CPNE8: variants seen among roughly 807,000 people sequenced by gnomAD.
CPNE8 encodes the protein copine-8.
In CPNE8, 45 loss-of-function variants were observed where a neutral mutation model predicts 81.5. The observed-to-expected ratio is 0.55, with a 90% CI of 0.44 to 0.71. The LOEUF is 0.71. Among genes scored for constraint, CPNE8 ranks in the 30% least tolerant of loss-of-function variants. The probability of loss-of-function intolerance (pLI) is 0.00; values close to 1 mark genes in which losing one functional copy is unlikely to be tolerated. For synonymous variants in CPNE8, 252 were observed against 226.3 expected (o/e 1.11, Z -1.02); for missense variants, 594 against 672.1 (o/e 0.88, Z 1.28).
chr12:38,891,288 T>A (rs1944311347), intron 1 of CPNE8, among the ~76,000 whole-genome samples: 1 of 152,126 alleles, frequency 6.6e-6, no homozygotes, highest in Non-Finnish European at 1.5e-5. Context: ...AGCTTTGCTC[T>A]GCTTGAGGAC....
At chr12:38,703,159 G>C (rs190585556) in intron 13 of CPNE8, among the ~76,000 whole-genome samples, 18 of 151,844 alleles carry the variant, frequency 1.2e-4, no homozygotes, top group Non-Finnish European at 2.5e-4. Context: ...CTAAAGTCTC[G>C]GGAATAAAAG....
chr12:38,799,584 A>G (rs535066082), intron 6 of CPNE8, among the ~76,000 whole-genome samples: 2 of 152,316 alleles, frequency 1.3e-5, no homozygotes, highest in South Asian at 2.1e-4. Flanking sequence ...AATGCCCACA[A>G]GAGAAAGCAG....
At chr12:38,736,471 A>G (rs563412703) in intron 10 of CPNE8, among the ~76,000 whole-genome samples, 295 of 151,060 alleles carry the variant, frequency 2.0e-3, no homozygotes, top group Non-Finnish European at 3.5e-3. Flanking sequence ...ATAATAATTT[A>G]TCACATTTAA....
At chr12:38,767,784 A>G (rs764856984) in intron 7 of CPNE8, 46 bp from the exon 8 acceptor site, 8 of 1,138,408 alleles carry the variant, frequency 7.0e-6, no homozygotes, top group Middle Eastern at 4.1e-4. Flanking sequence ...GGCTATAAAT[A>G]ACTAGAAACT....
chr12:38,836,150 C>A (rs1023044553), intron 5 of CPNE8, among the ~76,000 whole-genome samples: 1 of 152,078 alleles, frequency 6.6e-6, no homozygotes, highest in South Asian at 2.1e-4. Flanking sequence ...ACAGAACAAA[C>A]TCAGAATTCA....
At chr12:38,695,222 A>G (rs1939767568) in intron 14 of CPNE8, among the ~76,000 whole-genome samples, 1 of 152,186 alleles carries the variant, frequency 6.6e-6, no homozygotes, top group South Asian at 2.1e-4. Flanking sequence ...ATCTTCTACA[A>G]CCAAGGAGTA....
chr12:38,892,568 T>C (rs1250164632), intron 1 of CPNE8, among the ~76,000 whole-genome samples: 1 of 152,146 alleles, frequency 6.6e-6, no homozygotes, highest in Non-Finnish European at 1.5e-5. Context: ...ATAAAGCTTA[T>C]GAAATATAGT....
At chr12:38,756,792 C>T (rs1428208772) in intron 10 of CPNE8, among the ~76,000 whole-genome samples, 2 of 152,144 alleles carry the variant, frequency 1.3e-5, no homozygotes, top group African/African-American at 2.4e-5. Context: ...TTAAAGTCTA[C>T]GTAGTACCAA....
intron 19 of CPNE8, among the ~76,000 whole-genome samples, chr12:38,661,443 C>T (rs1457821522): frequency 1.3e-5 from 2 of 152,050 alleles, no homozygotes; most frequent in African/African-American, 2.4e-5. Context: ...GAACATCACA[C>T]ACTGGGGCCT....
At chr12:38,767,910 A>C (rs533365315) in intron 7 of CPNE8, among the ~76,000 whole-genome samples, 172 bp from the exon 8 acceptor site, 36 of 152,198 alleles carry the variant, frequency 2.4e-4, no homozygotes, top group Non-Finnish European at 4.6e-4. Context: ...ATATGACTTT[A>C]AAAATTTTGC....
Position 38,799,850 on chromosome 12 carries a change from G to A in CPNE8, c.408-23549C>T, listed in dbSNP as rs369428606. 9.9e-3 allele frequency among the ~76,000 whole-genome samples: 1,501 copies of A among 151,100 alleles called. 21 individuals carry two copies. The highest frequency in any genetic ancestry group is 0.04 in the South Asian group (191 of 4,738). On this transcript the variant is annotated intron_variant, in intron 6 of 19. Coordinates refer to ENST00000331366, the MANE Select transcript of CPNE8 (RefSeq NM_153634.3). ...CGAGGCATTGCCTCACCTGGGAAGC[G>A]CAAGGGGTCAGGGAGTTCCCTTTCC...
At chr12:38,776,052 C>A (rs1263755245) in intron 7 of CPNE8, among the ~76,000 whole-genome samples, 186 bp downstream of exon 7, 1 of 152,030 alleles carries the variant, frequency 6.6e-6, no homozygotes, top group Non-Finnish European at 1.5e-5. Context: ...ACTAATTATA[C>A]TTTTCAGACT....
At chr12:38,775,420 T>C (rs1451902821) in intron 7 of CPNE8, among the ~76,000 whole-genome samples, 1 of 152,206 alleles carries the variant, frequency 6.6e-6, no homozygotes, top group Non-Finnish European at 1.5e-5. Context: ...TTTTGGTATT[T>C]GGGGTGAGTT....
At chr12:38,802,722 G>A (rs1234953263) in intron 6 of CPNE8, among the ~76,000 whole-genome samples, 1 of 151,468 alleles carries the variant, frequency 6.6e-6, no homozygotes, top group African/African-American at 2.4e-5. Context: ...CCAGGAGCTG[G>A]TTTTTTGAAA....
chr12:38,850,858 A>C (rs892811132), intron 3 of CPNE8, among the ~76,000 whole-genome samples: 1 of 152,178 alleles, frequency 6.6e-6, no homozygotes, highest in African/African-American at 2.4e-5. Context: ...AGGTTATTTC[A>C]TCTGTTCCTG....
intron 6 of CPNE8, among the ~76,000 whole-genome samples, chr12:38,820,199 G>C (rs1943091279): frequency 6.6e-6 from 1 of 152,056 alleles, no homozygotes; most frequent in East Asian, 1.9e-4. Context: ...AAGATCAGGA[G>C]TTCAAGATCA....
chr12:38,842,372 A>C (rs191008689), intron 4 of CPNE8, among the ~76,000 whole-genome samples: 1 of 152,262 alleles, frequency 6.6e-6, no homozygotes, highest in Non-Finnish European at 1.5e-5. Flanking sequence ...GGGAGAAATG[A>C]CATCGAATGT....
At chr12:38,734,125 C>T (rs896656117) in intron 10 of CPNE8, among the ~76,000 whole-genome samples, 1 of 151,988 alleles carries the variant, frequency 6.6e-6, no homozygotes, top group Non-Finnish European at 1.5e-5. Context: ...TTCCTCTCTT[C>T]ACCTATGTTT....
chr12:38,661,788 A>C (rs1216799484), intron 19 of CPNE8, among the ~76,000 whole-genome samples: 1 of 152,136 alleles, frequency 6.6e-6, no homozygotes, highest in Non-Finnish European at 1.5e-5. Context: ...ACAACAGCAC[A>C]TCAAAAAGAT....
Sources: allele counts gnomAD v4.1 joint callset (sites outside exome capture counted in the v4.1 genomes callset), GRCh38; gene constraint gnomAD v4.1.1; transcripts MANE v1.5; gene names NCBI Gene and HGNC (gene_info 2026-07-23, HGNC 2026-07-21).